LRRC28: variants seen among roughly 807,000 people sequenced by gnomAD.
LRRC28 encodes leucine-rich repeat-containing protein 28.
In LRRC28, 39 loss-of-function variants were observed where a neutral mutation model predicts 45.7. That is an observed-to-expected ratio of 0.85 (90% CI 0.66 to 1.12). LRRC28 has a LOEUF of 1.12. LRRC28 is among the 50% of genes most tolerant of loss of function. The probability of loss-of-function intolerance (pLI) is 0.00; values close to 1 mark genes in which losing one functional copy is unlikely to be tolerated. For missense variants in LRRC28, 435 were observed against 438.5 expected, an observed-to-expected ratio of 0.99 and a Z score of 0.07; for synonymous variants, 206 against 178.8, an observed-to-expected ratio of 1.15 and a Z score of -1.22.
chr15:99,329,579 A>G (rs1288951145), intron 5 of LRRC28, among the ~76,000 whole-genome samples: 2 of 152,214 alleles, frequency 1.3e-5, no homozygotes, highest in Non-Finnish European at 2.9e-5. Flanking sequence ...CATTATTACA[A>G]TGTTAACTTT....
intron 3 of LRRC28, among the ~76,000 whole-genome samples, chr15:99,282,563 A>G (rs540817572): frequency 2.6e-5 from 4 of 152,280 alleles, no homozygotes; most frequent in African/African-American, 9.6e-5. Context: ...ACACAAATAC[A>G]TCGTGTATCA....
chr15:99,281,097 A>G (rs2081775511), intron 3 of LRRC28, among the ~76,000 whole-genome samples: 1 of 151,496 alleles, frequency 6.6e-6, no homozygotes, highest in African/African-American at 2.4e-5. Context: ...GCTCTATCCT[A>G]GCTCGTTGCA....
At chr15:99,261,664 A>AT (rs570678627) in intron 2 of LRRC28, among the ~76,000 whole-genome samples, 31 of 147,116 alleles carry the variant, frequency 2.1e-4, no homozygotes, top group South Asian at 1.3e-3. Flanking sequence ...TTTAATTTTA[A>AT]TTTTTTTTTT....
chr15:99,378,215 T>A (rs568107354), intron 9 of LRRC28, among the ~76,000 whole-genome samples: 2,752 of 152,312 alleles, frequency 0.018, 91 homozygotes, highest in African/African-American at 0.062. Flanking sequence ...CTCTTTTATT[T>A]CGTTGAGCAG....
chr15:99,273,420 G>C (rs2081534093), intron 2 of LRRC28, among the ~76,000 whole-genome samples: 1 of 151,986 alleles, frequency 6.6e-6, no homozygotes, highest in South Asian at 2.1e-4. Context: ...GTATTTTTTA[G>C]TAGAGACAGG....
intron 5 of LRRC28, among the ~76,000 whole-genome samples, chr15:99,323,263 C>T (rs1286708142): frequency 6.6e-6 from 1 of 152,166 alleles, no homozygotes; most frequent in Non-Finnish European, 1.5e-5. Flanking sequence ...TTGCAGTGAC[C>T]AGTCTGGGTT....
intron 5 of LRRC28, among the ~76,000 whole-genome samples, chr15:99,331,409 C>T (rs1374825094): frequency 1.3e-5 from 2 of 152,088 alleles, no homozygotes; most frequent in African/African-American, 4.8e-5. Context: ...TATTATTTTC[C>T]ATATCCGATC....
chr15:99,253,821 G>C (rs558151730), intron 1 of LRRC28, among the ~76,000 whole-genome samples: 1 of 152,334 alleles, frequency 6.6e-6, no homozygotes, highest in East Asian at 1.9e-4. Flanking sequence ...GGCAGATGGA[G>C]AGATTTGGAT....
At chr15:99,359,632 T>G (rs1287613364) in intron 7 of LRRC28, among the ~76,000 whole-genome samples, 1 of 152,222 alleles carries the variant, frequency 6.6e-6, no homozygotes, top group Non-Finnish European at 1.5e-5. Flanking sequence ...TTGGGAATTT[T>G]ACTATAATAA....
rs529676122 is a variant in LRRC28, at chr15:99,388,618, C to G, written c.*2516C>G. 95 of 152,322 alleles carry G rather than the reference C, an allele frequency of 6.2e-4. No homozygotes were observed. Among genetic ancestry groups the G allele is most frequent in the African/African-American group, 2.2e-3 (90 of 41,568 alleles). 9.4% of individuals were successfully genotyped at this position (152,322 alleles called of 1,614,324 possible). ...TGATACTATAAAGGAGTCTTACCAA[C>G]TGGAGAAAATTTGCCTACATGCTAT... On this transcript the variant is annotated 3_prime_UTR_variant, in exon 10 of 10. Coordinates refer to ENST00000301981, the MANE Select transcript of LRRC28 (RefSeq NM_144598.5).
intron 6 of LRRC28, among the ~76,000 whole-genome samples, chr15:99,349,374 A>G (rs1414763906): frequency 6.6e-6 from 1 of 152,194 alleles, no homozygotes; most frequent in East Asian, 1.9e-4. Flanking sequence ...CATTTGAAAA[A>G]AGGAATTATT....
intron 6 of LRRC28, 43 bp downstream of exon 6, chr15:99,334,172 G>A: frequency 6.2e-7 from 1 of 1,604,940 alleles, no homozygotes; most frequent in South Asian, 1.1e-5. Context: ...AGAATAAGAT[G>A]GAAAGCCTTT....
rs548119659 is a variant in LRRC28 at position 99,389,271 on chromosome 15, G to A, written c.*3169G>A. On this transcript the variant is annotated 3_prime_UTR_variant, in exon 10 of 10. Coordinates refer to ENST00000301981, the MANE Select transcript of LRRC28 (RefSeq NM_144598.5). Reference sequence around the variant, plus strand: ...ACTTCTGTTTTACGTTGAGCATTACGAATTAAAATCTTTACAGTCTAGGGG... The same window carrying A: ...ACTTCTGTTTTACGTTGAGCATTACAAATTAAAATCTTTACAGTCTAGGGG... 4.6e-5 allele frequency: 7 copies of A among 152,176 alleles called. No homozygotes were observed. In the East Asian group the frequency reaches 9.7e-4, roughly 21 times the overall value. 9.4% of individuals were successfully genotyped at this position (152,176 alleles called of 1,614,324 possible).
At position 99,343,967 on chromosome 15, in the gene LRRC28, A is replaced by G. The variant is rs187041339; in HGVS notation, c.593-8402A>G. ...CACGCTCTCAAGAGGCCATCACAGCATCGCCTTTACAGCCTGTGACCTTGC... is the reference window on the plus strand; with the variant it reads ...CACGCTCTCAAGAGGCCATCACAGCGTCGCCTTTACAGCCTGTGACCTTGC... On this transcript the variant is annotated intron_variant, in intron 6 of 9. Coordinates refer to ENST00000301981, the MANE Select transcript of LRRC28 (RefSeq NM_144598.5). Among the ~76,000 whole-genome samples, 19 of 152,220 alleles carry G rather than the reference A, an allele frequency of 1.2e-4. No homozygotes were observed. In the East Asian group the frequency reaches 3.3e-3, roughly 26 times the overall value.
intron 9 of LRRC28, among the ~76,000 whole-genome samples, chr15:99,368,985 A>G (rs917043128): frequency 6.6e-6 from 1 of 152,196 alleles, no homozygotes. Context: ...CCAAGTTATC[A>G]CTTACAAATT....
chr15:99,385,746 G>GTT (rs796070388), intron 9 of LRRC28, among the ~76,000 whole-genome samples: 14 of 127,216 alleles, frequency 1.1e-4, no homozygotes, highest in African/African-American at 2.6e-4. Flanking sequence ...AAAGGCATTT[G>GTT]TTTTTTTTTT....
At chr15:99,278,104 T>A (rs1006156395) in intron 3 of LRRC28, among the ~76,000 whole-genome samples, 1 of 152,256 alleles carries the variant, frequency 6.6e-6, no homozygotes, top group African/African-American at 2.4e-5. Flanking sequence ...TATACTCTTA[T>A]GTTGGAAAAT....
In LRRC28 at chr15:99,382,299, C is replaced by T. The variant is rs557231364; in HGVS notation, c.1032-3731C>T. On this transcript the variant is annotated intron_variant, in intron 9 of 9. Transcript: ENST00000301981. ...CTCAGACTGCTGTGCTAGCAATGAG[C>T]GAGGCTCCGTGGGCATGGGACCCTC... 3.0e-3 allele frequency among the ~76,000 whole-genome samples: 461 copies of T among 152,252 alleles called. 3 individuals are homozygous for T. The highest frequency in any genetic ancestry group is 0.01 in the African/African-American group (435 of 41,544).
At chr15:99,281,963 C>T (rs908598010) in intron 3 of LRRC28, among the ~76,000 whole-genome samples, 15 of 151,838 alleles carry the variant, frequency 9.9e-5, no homozygotes, top group Non-Finnish European at 2.2e-4. Flanking sequence ...TATTTTTCTT[C>T]TATTATTTTT....
Sources: gnomAD v4.1 joint callset for allele counts (sites outside exome capture counted in the v4.1 genomes callset) on GRCh38, gnomAD v4.1.1 for gene constraint, MANE v1.5 for transcripts, NCBI Gene and HGNC (gene_info 2026-07-23, HGNC 2026-07-21) for gene names.